The following UGT1A7 variants were observed in gnomAD, a reference collection of about 807,000 sequenced individuals.
UGT1A7 encodes the protein UDP-glucuronosyltransferase 1A7.
In UGT1A7, 33 loss-of-function variants were observed where a neutral mutation model predicts 45.6. The observed-to-expected ratio is 0.72, with a 90% confidence interval of 0.55 to 0.97. UGT1A7 has a LOEUF of 0.97. Ranked by LOEUF, UGT1A7 falls within the 50% of genes least tolerant of loss-of-function variation. The probability of loss-of-function intolerance (pLI) is 0.00; values close to 1 mark genes in which losing one functional copy is unlikely to be tolerated. For missense variants in UGT1A7, 684 were observed against 666.2 expected, an observed-to-expected ratio of 1.03 and a Z score of -0.29; for synonymous variants, 274 against 250.6, an observed-to-expected ratio of 1.09 and a Z score of -0.88.
intron 1 of UGT1A7, among the ~76,000 whole-genome samples, chr2:233,721,052 T>G (rs1374543797): frequency 6.6e-6 from 1 of 151,950 alleles, no homozygotes; most frequent in Non-Finnish European, 1.5e-5. Context: ...CCCTTTTTTG[T>G]CATATTCACT....
At chr2:233,760,234 A>ATG in intron 1 of UGT1A7, 1 of 1,136,914 alleles carries the variant, frequency 8.8e-7, no homozygotes, top group South Asian at 1.5e-5. Context: ...GGTTTTTGCC[A>ATG]TATATATATA....
intron 1 of UGT1A7, among the ~76,000 whole-genome samples, chr2:233,737,165 G>A (rs941026420): frequency 6.6e-6 from 1 of 152,234 alleles, no homozygotes; most frequent in African/African-American, 2.4e-5. Flanking sequence ...CCACAGAGGT[G>A]GAGTCTATAG....
chr2:233,687,886 T>TG (rs1056933607), intron 1 of UGT1A7, among the ~76,000 whole-genome samples: 6 of 152,276 alleles, frequency 3.9e-5, no homozygotes, highest in African/African-American at 1.4e-4. Context: ...CCAGCCTGGG[T>TG]GATAGACTAA....
chr2:233,725,819 A>G (rs2077477278), intron 1 of UGT1A7, among the ~76,000 whole-genome samples: 1 of 152,214 alleles, frequency 6.6e-6, no homozygotes, highest in South Asian at 2.1e-4. Context: ...TTTATTGGAT[A>G]CCAGTATTGC....
At chr2:233,700,772 A>G (rs940098875) in intron 1 of UGT1A7, among the ~76,000 whole-genome samples, 4 of 151,978 alleles carry the variant, frequency 2.6e-5, no homozygotes, top group Admixed American at 2.6e-4. Context: ...TGCACAACGT[A>G]CAGGTTTGTT....
chr2:233,724,233 G>C (rs1323099966), intron 1 of UGT1A7, among the ~76,000 whole-genome samples: 2 of 126,058 alleles, frequency 1.6e-5, no homozygotes, highest in Non-Finnish European at 3.4e-5. Flanking sequence ...CAGTAGGGGC[G>C]GCCGGGCAGA....
intron 1 of UGT1A7, among the ~76,000 whole-genome samples, chr2:233,757,571 A>G (rs112550375): frequency 3.9e-5 from 3 of 77,334 alleles, no homozygotes; most frequent in African/African-American, 1.8e-4. Flanking sequence ...TGTATATATG[A>G]TATAGCTATA....
At chr2:233,704,891 T>C (rs2075812079) in intron 1 of UGT1A7, among the ~76,000 whole-genome samples, 2 of 152,120 alleles carry the variant, frequency 1.3e-5, no homozygotes. Flanking sequence ...CCCAGCACTT[T>C]GGAAGGCTGA....
intron 1 of UGT1A7, among the ~76,000 whole-genome samples, chr2:233,711,305 A>G (rs1408728006): frequency 6.6e-6 from 1 of 152,220 alleles, no homozygotes; most frequent in African/African-American, 2.4e-5. Context: ...AAATTAGATG[A>G]CATTGGTGTC....
At chr2:233,767,195 T>C (rs1699333145) in intron 2 of UGT1A7, 30 bp downstream of exon 2, 10 of 1,613,760 alleles carry the variant, frequency 6.2e-6, no homozygotes, top group Non-Finnish European at 6.8e-6. Context: ...TGGCCTCATA[T>C]CTATTTTCAC....
chr2:233,757,550 A>ATATATATATATATATATAT (rs1696620678), intron 1 of UGT1A7, among the ~76,000 whole-genome samples: 1 of 129,576 alleles, frequency 7.7e-6, no homozygotes, highest in Non-Finnish European at 1.6e-5. Context: ...ATATATATAT[A>ATATATATATATATATATAT]TATATATATA....
intron 1 of UGT1A7, among the ~76,000 whole-genome samples, chr2:233,726,089 C>T (rs567639330): frequency 3.9e-5 from 6 of 152,122 alleles, no homozygotes; most frequent in Non-Finnish European, 7.3e-5. Flanking sequence ...TTACTTGATC[C>T]GAGGAGGTGG....
intron 1 of UGT1A7, among the ~76,000 whole-genome samples, chr2:233,717,146 T>C (rs952577384): frequency 6.6e-6 from 1 of 152,072 alleles, no homozygotes; most frequent in Non-Finnish European, 1.5e-5. Context: ...TACATGGAAA[T>C]AGAACATGGG....
intron 1 of UGT1A7, among the ~76,000 whole-genome samples, chr2:233,730,727 G>T (rs768160238): frequency 6.6e-6 from 1 of 152,112 alleles, no homozygotes; most frequent in African/African-American, 2.4e-5. Context: ...ATCAAGAAAT[G>T]GCGGAAGGGG....
chr2:233,702,368 C>T (rs1045977241), intron 1 of UGT1A7, among the ~76,000 whole-genome samples: 12 of 151,930 alleles, frequency 7.9e-5, no homozygotes, highest in African/African-American at 2.2e-4. Context: ...TAGTGGATTT[C>T]GTAGGATTTT....
chr2:233,713,229 T>A, intron 1 of UGT1A7: 1 of 1,614,268 alleles, frequency 6.2e-7, no homozygotes, highest in East Asian at 2.2e-5. Context: ...CCTGACAACG[T>A]ATGCCATTTC....
At chr2:233,721,562 G>T in intron 1 of UGT1A7, 1 of 161,272 alleles carries the variant, frequency 6.2e-6, no homozygotes, top group Non-Finnish European at 1.4e-5. Flanking sequence ...GTTTCTTCTG[G>T]GATATCTTTT....
At chr2:233,692,972 T>C in intron 1 of UGT1A7, 1 of 1,612,102 alleles carries the variant, frequency 6.2e-7, no homozygotes, top group Non-Finnish European at 8.5e-7. Flanking sequence ...GTGAAAACTC[T>C]TTATTACCGT....
chr2:233,735,285 T>C (rs1453773245), intron 1 of UGT1A7, among the ~76,000 whole-genome samples: 1 of 152,192 alleles, frequency 6.6e-6, no homozygotes, highest in East Asian at 1.9e-4. Flanking sequence ...TCTTTGTCTC[T>C]TTTGATTTTT....
Sources: allele counts gnomAD v4.1 joint callset (sites outside exome capture counted in the v4.1 genomes callset), GRCh38; gene constraint gnomAD v4.1.1; transcripts MANE v1.5; gene names NCBI Gene and HGNC (gene_info 2026-07-23, HGNC 2026-07-21).